The following PITPNA variants were observed in gnomAD, a reference collection of about 807,000 sequenced individuals.
PITPNA encodes the protein phosphatidylinositol transfer protein alpha.
A neutral mutation model predicts 50.3 loss-of-function variants in PITPNA; 13 were observed. The observed-to-expected ratio is 0.26, with a 90% CI of 0.17 to 0.41. The LOEUF (loss-of-function observed/expected upper bound fraction) is 0.41, where lower values mean the gene tolerates loss of function less well. PITPNA is among the 10% of genes least tolerant of loss of function. PITPNA has a pLI of 1.00. For synonymous variants in PITPNA, 120 were observed against 119.6 expected (o/e 1.00, Z -0.02); for missense variants, 207 against 333.4 (o/e 0.62, Z 2.95).
At chr17:1,550,235 G>T (rs929834904) in intron 3 of PITPNA, among the ~76,000 whole-genome samples, 1 of 152,192 alleles carries the variant, frequency 6.6e-6, no homozygotes, top group African/African-American at 2.4e-5. Flanking sequence ...ACTGGGGCGT[G>T]TAACTAGACA....
At chr17:1,547,680 A>C (rs117326035) in intron 4 of PITPNA, among the ~76,000 whole-genome samples, 3,764 of 151,598 alleles carry the variant, frequency 0.025, 90 homozygotes, top group Non-Finnish European at 0.037. Context: ...ATAAATAGTA[A>C]TGATCTAAAA....
chr17:1,553,990 A>G (rs996942780), intron 2 of PITPNA, among the ~76,000 whole-genome samples: 2 of 152,212 alleles, frequency 1.3e-5, no homozygotes, highest in Non-Finnish European at 2.9e-5. Context: ...ACTACATGGC[A>G]AAAACCTAGT....
In PITPNA at chr17:1,535,437, G is replaced by C; in HGVS notation, c.534+4C>G. 2 of 1,608,568 alleles carry C rather than the reference G, an allele frequency of 1.2e-6. No individual in the cohort carries two copies. On this transcript the variant is annotated splice_donor_region_variant and intron_variant, in intron 8 of 11. Transcript: ENST00000313486. Reference sequence around the variant, plus strand: ...CCCCCTGGCAGTGAAGGTGTGAATGGTACCTTCCAATTGGGGCCCAAGGGT... The same window carrying C: ...CCCCCTGGCAGTGAAGGTGTGAATGCTACCTTCCAATTGGGGCCCAAGGGT...
intron 6 of PITPNA, among the ~76,000 whole-genome samples, chr17:1,539,814 G>A (rs951579098): frequency 6.6e-6 from 1 of 152,258 alleles, no homozygotes; most frequent in Non-Finnish European, 1.5e-5. Context: ...TCGGCTCACT[G>A]CAAACTCTGC....
At chr17:1,552,528 G>A (rs952002779) in intron 3 of PITPNA, among the ~76,000 whole-genome samples, 1 of 152,054 alleles carries the variant, frequency 6.6e-6, no homozygotes, top group African/African-American at 2.4e-5. Context: ...TCTAGCGATC[G>A]ATTTCACGAT....
At chr17:1,534,912 T>C (rs977614861) in intron 9 of PITPNA, among the ~76,000 whole-genome samples, 1 of 152,248 alleles carries the variant, frequency 6.6e-6, no homozygotes, top group Non-Finnish European at 1.5e-5. Context: ...GGTATGCTCA[T>C]GTTGGCAACC....
At chr17:1,540,836 C>T (rs2075644850) in intron 6 of PITPNA, among the ~76,000 whole-genome samples, 2 of 152,180 alleles carry the variant, frequency 1.3e-5, no homozygotes, top group African/African-American at 2.4e-5. Flanking sequence ...CCGCCTGCCT[C>T]GGCCTCCCAA....
intron 1 of PITPNA, among the ~76,000 whole-genome samples, chr17:1,561,838 C>T (rs148192610): frequency 1.6e-3 from 245 of 152,266 alleles, no homozygotes; most frequent in African/African-American, 5.4e-3. Context: ...AAGGCGGCCA[C>T]TCCTCCCCAT....
chr17:1,554,678 G>T (rs2075726660), intron 2 of PITPNA, among the ~76,000 whole-genome samples: 1 of 152,106 alleles, frequency 6.6e-6, no homozygotes, highest in African/African-American at 2.4e-5. Flanking sequence ...GCTCTACCAG[G>T]CAGCTTCCTA....
intron 10 of PITPNA, among the ~76,000 whole-genome samples, chr17:1,533,193 TATC>T (rs939679417): frequency 2.0e-5 from 3 of 152,160 alleles, no homozygotes; most frequent in African/African-American, 4.8e-5. Flanking sequence ...CTTCCTGCCT[TATC>T]ATATTTTTAG....
Position 1,548,390 on chromosome 17 carries a change from A to G in PITPNA, c.198-3T>C, listed in dbSNP as rs1415054250. On this transcript the variant is annotated splice_polypyrimidine_tract_variant and splice_region_variant and intron_variant, in intron 3 of 11. Transcript: ENST00000313486. ...TTCGAACAAACGTGGGTACTTTGCT[A>G]TAGCGGGGAAAAAAAGGGGTATAAA... 1 of 1,592,842 alleles carries G rather than the reference A, an allele frequency of 6.3e-7. No individual in the cohort carries two copies. The highest frequency in any genetic ancestry group is 1.4e-5 in the African/African-American group (1 of 73,818).
chr17:1,543,464 G>A (rs1016772557), intron 4 of PITPNA, among the ~76,000 whole-genome samples: 2 of 152,082 alleles, frequency 1.3e-5, no homozygotes, highest in Admixed American at 6.6e-5. Context: ...CCTTCCTCTC[G>A]CTGTAATCAA....
Position 1,562,603 on chromosome 17 carries a change from C to A in PITPNA, c.-43G>T. 1 of 1,233,194 alleles carries A rather than the reference C, an allele frequency of 8.1e-7. No individual in the cohort carries two copies. Among genetic ancestry groups the A allele is most frequent in the Non-Finnish European group, 1.0e-6 (1 of 985,140 alleles). 76.4% of individuals were successfully genotyped at this position (1,233,194 alleles called of 1,614,324 possible). A position where few individuals can be genotyped will look rare whatever the true frequency, so the allele number is the denominator to read the frequency against. ...TGGCTGCCCGCGGCCCGCCCGGCCTCCCGCCCGCTGCCCGCCGGCCGCTCT... is the reference window on the plus strand; with the variant it reads ...TGGCTGCCCGCGGCCCGCCCGGCCTACCGCCCGCTGCCCGCCGGCCGCTCT... On this transcript the variant is annotated 5_prime_UTR_variant, in exon 1 of 12. Coordinates refer to ENST00000313486, the MANE Select transcript of PITPNA (RefSeq NM_006224.4). The surrounding 1 kb of genome is among the most constrained non-coding windows in gnomAD (Gnocchi z 6.4).
chr17:1,552,945 A>C, intron 3 of PITPNA, 59 bp downstream of exon 3: 1 of 1,561,116 alleles, frequency 6.4e-7, no homozygotes, highest in Non-Finnish European at 8.8e-7. Flanking sequence ...TAAAGGAAAT[A>C]ACACTCATTC....
intron 7 of PITPNA, among the ~76,000 whole-genome samples, chr17:1,536,469 T>C (rs1431613607): frequency 3.3e-5 from 5 of 152,020 alleles, no homozygotes; most frequent in Non-Finnish European, 1.5e-5. Context: ...TTTTGTATTT[T>C]TAGTAGAGAC....
At chr17:1,535,090 G>A (rs1567579116) in intron 9 of PITPNA, 92 bp downstream of exon 9, 2 of 766,632 alleles carry the variant, frequency 2.6e-6, no homozygotes, top group Non-Finnish European at 4.5e-6. Context: ...GAAGGCCTCA[G>A]CCGAGCTACT....
rs147366133 is a variant in PITPNA at position 1,558,769 on chromosome 17, A to ACCCCCCC, written c.21-217_21-211dup. 6.7e-3 allele frequency among the ~76,000 whole-genome samples: 151 copies of ACCCCCCC among 22,700 alleles called. 2 individuals carry two copies. The highest frequency in any genetic ancestry group is 8.0e-3 in the African/African-American group (33 of 4,108). 14.9% of individuals were successfully genotyped at this position (22,700 alleles called of 152,430 possible). On this transcript the variant is annotated intron_variant, in intron 1 of 11. Transcript: ENST00000313486. ...GTAAGACACTAAACTCTGTGACAAC[A>ACCCCCCC]CCCCCCCCCCGCCCCCCCCCCCAGA... is the stretch of plus-strand genomic sequence containing the variant.
intron 7 of PITPNA, among the ~76,000 whole-genome samples, chr17:1,536,569 G>A (rs376615451): frequency 2.2e-4 from 34 of 151,140 alleles, no homozygotes; most frequent in Middle Eastern, 3.5e-3. Flanking sequence ...GATTACAGGC[G>A]TGAGCCACCG....
chr17:1,548,433 A>G, intron 3 of PITPNA, 46 bp from the exon 4 acceptor site: 3 of 1,338,616 alleles, frequency 2.2e-6, no homozygotes, highest in African/African-American at 1.5e-5. Flanking sequence ...GGTAGAGAGA[A>G]AGGAGACAAG....
Sources: gnomAD v4.1 joint callset for allele counts (sites outside exome capture counted in the v4.1 genomes callset) on GRCh38, gnomAD v4.1.1 for gene constraint, Gnocchi (gnomAD v3.1) non-coding constraint, MANE v1.5 for transcripts, NCBI Gene and HGNC (gene_info 2026-07-23, HGNC 2026-07-21) for gene names.